ASTN2: variants seen among roughly 807,000 people sequenced by gnomAD.
ASTN2 encodes astrotactin 2, also known as astrotactin-2.
ASTN2 carries 54 observed loss-of-function variants against 139.8 expected under a neutral mutation model. That is an observed-to-expected ratio of 0.39 (90% CI 0.31 to 0.48). The LOEUF (loss-of-function observed/expected upper bound fraction) is 0.48. Among genes scored for constraint, ASTN2 ranks in the 20% least tolerant of loss-of-function variants. ASTN2 has a pLI of 0.95. For synonymous variants in ASTN2, 756 were observed against 719.5 expected (o/e 1.05, Z -0.81); for missense variants, 1,565 against 1,725.1 (o/e 0.91, Z 1.64).
intron 10 of ASTN2, among the ~76,000 whole-genome samples, chr9:116,876,722 G>A (rs534028051): frequency 3.3e-5 from 5 of 152,140 alleles, no homozygotes; most frequent in Non-Finnish European, 7.3e-5. Context: ...TGAAGATTCA[G>A]ATGACCATTA....
At chr9:116,783,443 C>T (rs1242183901) in intron 13 of ASTN2, among the ~76,000 whole-genome samples, 6 of 151,894 alleles carry the variant, frequency 4.0e-5, no homozygotes, top group Non-Finnish European at 4.4e-5. Flanking sequence ...AATTACTGGG[C>T]ATACAAATAA....
intron 11 of ASTN2, among the ~76,000 whole-genome samples, chr9:116,842,931 C>T (rs1272669946): frequency 6.6e-6 from 1 of 152,086 alleles, no homozygotes; most frequent in Admixed American, 6.5e-5. Context: ...TCTGCCTACA[C>T]CTGGATCTGG....
chr9:116,445,906 G>C lies in ASTN2; in HGVS notation c.3498-3353C>G, dbSNP rs531878167. Among the ~76,000 whole-genome samples the C allele has an allele frequency of 1.1e-4, 16 of 152,286 alleles. No homozygotes were observed. The East Asian group carries it at 2.5e-3, about 24-fold the overall frequency. Reference sequence around the variant, plus strand: ...GAGGAGGCCTCAGGCAACCCTGCTGGGGGGTGGAGAAAGAGGAAGACGTCA... The same window carrying C: ...GAGGAGGCCTCAGGCAACCCTGCTGCGGGGTGGAGAAAGAGGAAGACGTCA... On this transcript the variant is annotated intron_variant, in intron 20 of 22. Transcript: ENST00000313400.
intron 1 of ASTN2, among the ~76,000 whole-genome samples, chr9:117,382,108 A>G (rs1564176319): frequency 6.6e-6 from 1 of 152,176 alleles, no homozygotes. Flanking sequence ...GGGGAATTCT[A>G]TGCAAGGTAA....
chr9:117,339,954 T>A (rs893690057), intron 1 of ASTN2, among the ~76,000 whole-genome samples: 1 of 149,662 alleles, frequency 6.7e-6, no homozygotes, highest in Admixed American at 6.6e-5. Flanking sequence ...TACCATAGCG[T>A]TTTATTTAGA....
At chr9:117,209,234 T>C (rs2133010110) in intron 3 of ASTN2, among the ~76,000 whole-genome samples, 1 of 152,192 alleles carries the variant, frequency 6.6e-6, no homozygotes, top group Non-Finnish European at 1.5e-5. Flanking sequence ...ATGAACTAAA[T>C]TCCCCATTAA....
At chr9:116,656,604 C>G (rs1353689117) in intron 16 of ASTN2, among the ~76,000 whole-genome samples, 2 of 151,314 alleles carry the variant, frequency 1.3e-5, no homozygotes, top group African/African-American at 4.9e-5. Context: ...ACACTACAAC[C>G]CATTCATTTG....
chr9:116,533,818 T>C (rs1394444882), intron 19 of ASTN2, among the ~76,000 whole-genome samples: 1 of 152,196 alleles, frequency 6.6e-6, no homozygotes, highest in Non-Finnish European at 1.5e-5. Flanking sequence ...TGGTCTAAAA[T>C]TCTCTTTTTT....
At chr9:117,282,727 T>C (rs1311725546) in intron 2 of ASTN2, among the ~76,000 whole-genome samples, 1 of 148,390 alleles carries the variant, frequency 6.7e-6, no homozygotes, top group Non-Finnish European at 1.5e-5. Flanking sequence ...GAAAACCAAA[T>C]GTTTCAAACT....
chr9:116,939,152 A>G (rs950918116), intron 10 of ASTN2, among the ~76,000 whole-genome samples: 2 of 152,160 alleles, frequency 1.3e-5, no homozygotes, highest in African/African-American at 4.8e-5. Flanking sequence ...TGGGCCAGTG[A>G]TTTAACCTCA....
chr9:116,501,505 G>C (rs1849852905), intron 19 of ASTN2, among the ~76,000 whole-genome samples: 1 of 152,046 alleles, frequency 6.6e-6, no homozygotes, highest in Admixed American at 6.6e-5. Context: ...TGGGTCAAAT[G>C]GTATTTCTAG....
At chr9:116,851,482 CTAT>C (rs1832602211) in intron 11 of ASTN2, among the ~76,000 whole-genome samples, 1 of 80,346 alleles carries the variant, frequency 1.2e-5, no homozygotes, top group Admixed American at 1.2e-4. Flanking sequence ...ATCTATCTAT[CTAT>C]CTATCTATCT....
intron 5 of ASTN2, among the ~76,000 whole-genome samples, chr9:117,057,437 C>G (rs1455705911): frequency 6.6e-6 from 1 of 152,176 alleles, no homozygotes. Context: ...CTGGCGCTTC[C>G]TGCATATGCT....
chr9:116,670,052 G>A (rs1040454336), intron 16 of ASTN2, among the ~76,000 whole-genome samples: 2 of 152,098 alleles, frequency 1.3e-5, no homozygotes, highest in Non-Finnish European at 2.9e-5. Flanking sequence ...TGATCCACCC[G>A]CCTTGGCCTC....
intron 10 of ASTN2, among the ~76,000 whole-genome samples, chr9:116,973,761 A>G (rs146677135): frequency 4.6e-4 from 70 of 152,364 alleles, no homozygotes; most frequent in African/African-American, 1.6e-3. Context: ...TCGATGAATC[A>G]GTATGTGAAT....
chr9:117,373,646 A>G (rs867013563), intron 1 of ASTN2, among the ~76,000 whole-genome samples: 1 of 152,224 alleles, frequency 6.6e-6, no homozygotes, highest in Admixed American at 6.5e-5. Context: ...GCAAACTGGA[A>G]CATATTCCTG....
At chr9:117,089,734 C>T (rs1187643423) in intron 5 of ASTN2, among the ~76,000 whole-genome samples, 1 of 143,816 alleles carries the variant, frequency 7.0e-6, no homozygotes, top group East Asian at 2.3e-4. Flanking sequence ...TATGCCTTTG[C>T]GTCACCATAG....
At chr9:116,648,974 C>T (rs1857754352) in intron 17 of ASTN2, among the ~76,000 whole-genome samples, 1 of 151,868 alleles carries the variant, frequency 6.6e-6, no homozygotes, top group African/African-American at 2.4e-5. Context: ...GCGGAGGTTG[C>T]AGTGAGCCAA....
intron 10 of ASTN2, among the ~76,000 whole-genome samples, chr9:116,891,536 G>C (rs1833761166): frequency 6.6e-6 from 1 of 152,174 alleles, no homozygotes; most frequent in Non-Finnish European, 1.5e-5. Context: ...TGAGGAAATG[G>C]GGGCCTAAAG....
Sources: allele counts gnomAD v4.1 joint callset (sites outside exome capture counted in the v4.1 genomes callset), GRCh38; gene constraint gnomAD v4.1.1; transcripts MANE v1.5; gene names NCBI Gene and HGNC (gene_info 2026-07-23, HGNC 2026-07-21).